The following DCDC2C variants were observed in gnomAD, a reference collection of about 807,000 sequenced individuals.
The protein encoded by DCDC2C is doublecortin domain containing 2C.
In DCDC2C, 44 loss-of-function variants were observed where a neutral mutation model predicts 45.0. The ratio of observed to expected loss-of-function variants is 0.98; its 90% CI spans 0.77 to 1.26. DCDC2C has a LOEUF of 1.26. Among genes scored for constraint, DCDC2C ranks in the 50% most tolerant of loss-of-function variants. The pLI is 0.00. For synonymous variants in DCDC2C, 187 were observed against 178.8 expected (o/e 1.05, Z -0.37); for missense variants, 447 against 468.9 (o/e 0.95, Z 0.43).
At chr2:3,759,766 T>C (rs772362664) in intron 6 of DCDC2C, among the ~76,000 whole-genome samples, 2 of 152,246 alleles carry the variant, frequency 1.3e-5, no homozygotes, top group Non-Finnish European at 2.9e-5. Flanking sequence ...TCCTTGTGTG[T>C]CCAGCAGAGG....
intron 10 of DCDC2C, among the ~76,000 whole-genome samples, chr2:3,798,169 T>C (rs1671013383): frequency 6.6e-6 from 1 of 152,048 alleles, no homozygotes; most frequent in South Asian, 2.1e-4. Flanking sequence ...TAAAGTCTGT[T>C]TTATCAGAGA....
At chr2:3,753,394 A>G (rs1669600301) in intron 5 of DCDC2C, among the ~76,000 whole-genome samples, 1 of 152,184 alleles carries the variant, frequency 6.6e-6, no homozygotes, top group Non-Finnish European at 1.5e-5. Context: ...GACATGAAGC[A>G]GTGACCAGGA....
chr2:3,829,552 GT>G (rs1488135716), intron 10 of DCDC2C, among the ~76,000 whole-genome samples: 8 of 152,176 alleles, frequency 5.3e-5, no homozygotes, highest in African/African-American at 1.7e-4. Flanking sequence ...GTGCTGCGCG[GT>G]TCCTATAATC....
At chr2:3,741,042 T>G (rs1572576070) in intron 3 of DCDC2C, among the ~76,000 whole-genome samples, 1 of 152,246 alleles carries the variant, frequency 6.6e-6, no homozygotes, top group East Asian at 1.9e-4. Flanking sequence ...TACAAGAGTT[T>G]GAAACTATTG....
intron 4 of DCDC2C, among the ~76,000 whole-genome samples, chr2:3,750,352 C>T (rs1669508441): frequency 6.6e-6 from 1 of 152,098 alleles, no homozygotes; most frequent in African/African-American, 2.4e-5. Flanking sequence ...ATTTGGTCAC[C>T]TTTACTTCAC....
intron 9 of DCDC2C, among the ~76,000 whole-genome samples, chr2:3,780,121 G>GT (rs1670470220): frequency 6.6e-6 from 1 of 152,324 alleles, no homozygotes; most frequent in African/African-American, 2.4e-5. Flanking sequence ...AGCAAAGACA[G>GT]TTTTTTATTT....
intron 10 of DCDC2C, among the ~76,000 whole-genome samples, chr2:3,827,820 G>C (rs1671863067): frequency 6.6e-6 from 1 of 152,256 alleles, no homozygotes; most frequent in Admixed American, 6.5e-5. Flanking sequence ...TTGGGCCCCA[G>C]ATCGCCACCT....
chr2:3,767,716 G>A, intron 6 of DCDC2C, 38 bp from the exon 7 acceptor site: 1 of 1,548,578 alleles, frequency 6.5e-7, no homozygotes, highest in Non-Finnish European at 8.7e-7. Flanking sequence ...GTATCCCACT[G>A]TTCTTAATGG....
At chr2:3,754,125 C>T (rs1339650177) in intron 5 of DCDC2C, among the ~76,000 whole-genome samples, 3 of 152,120 alleles carry the variant, frequency 2.0e-5, no homozygotes, top group Middle Eastern at 3.2e-3. Context: ...TTCCCCTTGC[C>T]GAAGTTGTTG....
chr2:3,724,013 TATTGA>T (rs1668567064), intron 2 of DCDC2C, among the ~76,000 whole-genome samples: 1 of 152,168 alleles, frequency 6.6e-6, no homozygotes. Context: ...CACTCTCATT[TATTGA>T]ATTGAATATT....
intron 10 of DCDC2C, among the ~76,000 whole-genome samples, chr2:3,816,476 A>T (rs1671562067): frequency 6.6e-6 from 1 of 152,188 alleles, no homozygotes; most frequent in Non-Finnish European, 1.5e-5. Flanking sequence ...GGCCTCAGCA[A>T]TTCTGGAAGA....
At chr2:3,784,733 C>T (rs971877651) in intron 9 of DCDC2C, among the ~76,000 whole-genome samples, 12 of 151,784 alleles carry the variant, frequency 7.9e-5, no homozygotes, top group Non-Finnish European at 1.5e-4. Flanking sequence ...ATGGGAGCTC[C>T]AAGATGTTAT....
At chr2:3,791,501 C>T (rs1490383713) in intron 10 of DCDC2C, among the ~76,000 whole-genome samples, 1 of 152,212 alleles carries the variant, frequency 6.6e-6, no homozygotes, top group African/African-American at 2.4e-5. Context: ...TGGTTCCAGT[C>T]TAGCCTGGAG....
At chr2:3,812,264 G>C (rs984646546) in intron 10 of DCDC2C, among the ~76,000 whole-genome samples, 5 of 151,134 alleles carry the variant, frequency 3.3e-5, no homozygotes, top group African/African-American at 1.2e-4. Context: ...TTCAGAACTT[G>C]TTATTGGTCT....
intron 10 of DCDC2C, among the ~76,000 whole-genome samples, chr2:3,801,895 A>G (rs1671124933): frequency 6.6e-6 from 1 of 152,242 alleles, no homozygotes. Flanking sequence ...TACTGGGGGT[A>G]GCCCACTTTG....
chr2:3,742,017 GAA>G lies in DCDC2C; in HGVS notation c.518_519del (p.Lys173SerfsTer52). The G allele has an allele frequency of 1.3e-6, 2 of 1,547,392 alleles. No homozygotes were observed. The highest frequency in any genetic ancestry group is 1.7e-6 in the Non-Finnish European group (2 of 1,145,910). On this transcript the variant is annotated frameshift_variant, in exon 4 of 11. Transcript: ENST00000399143. LOFTEE classifies it high-confidence loss of function. ...GGACATCGTGCTGGCCACGATCGGA[GAA>G]AAAGTCTTCCCTCTAGGAGGCGTTC... ...DWDIVLATIG[E>X]KVFPLGGVRK...
chr2:3,780,007 C>T (rs1670468072), intron 9 of DCDC2C, among the ~76,000 whole-genome samples: 1 of 152,174 alleles, frequency 6.6e-6, no homozygotes. Flanking sequence ...GAGAGTCAAA[C>T]AGAATACACT....
chr2:3,726,866 C>A, intron 2 of DCDC2C, 137 bp from the exon 3 acceptor site: 1 of 715,464 alleles, frequency 1.4e-6, no homozygotes. Flanking sequence ...CCTTCCTGGA[C>A]CCGCCCCTGG....
chr2:3,837,609 G>C (rs1672112503), intron 10 of DCDC2C, among the ~76,000 whole-genome samples: 1 of 104,542 alleles, frequency 9.6e-6, no homozygotes, highest in Non-Finnish European at 2.3e-5. Flanking sequence ...ATCTAAAGGG[G>C]AAGAAACTGA....
Sources: allele counts gnomAD v4.1 joint callset (sites outside exome capture counted in the v4.1 genomes callset), GRCh38; gene constraint gnomAD v4.1.1; transcripts MANE v1.5; gene names NCBI Gene and HGNC (gene_info 2026-07-23, HGNC 2026-07-21).